Variants in DGKH observed in about 807,000 individuals in gnomAD.
DGKH encodes DAG kinase eta.
A neutral mutation model predicts 159.3 loss-of-function variants in DGKH; 90 were observed. That is an observed-to-expected ratio of 0.57 (90% CI 0.48 to 0.67). The LOEUF is 0.67. Among genes scored for constraint, DGKH ranks in the 30% least tolerant of loss-of-function variants. The pLI, the probability that DGKH is intolerant of heterozygous loss-of-function variation, is 0.00. For missense variants in DGKH, 1,181 were observed against 1,506.1 expected, an observed-to-expected ratio of 0.78 and a Z score of 3.57; for synonymous variants, 536 against 553.8, an observed-to-expected ratio of 0.97 and a Z score of 0.45.
At chr13:42,181,327 A>G (rs1956757054) in intron 13 of DGKH, 1 of 152,826 alleles carries the variant, frequency 6.5e-6, no homozygotes, top group African/African-American at 2.4e-5. Flanking sequence ...TGCAATTCTG[A>G]AGCAAGGAAG....
At chr13:42,082,681 G>A (rs1396536134) in intron 1 of DGKH, among the ~76,000 whole-genome samples, 3 of 152,162 alleles carry the variant, frequency 2.0e-5, no homozygotes, top group Non-Finnish European at 2.9e-5. Context: ...TTTTCACCAG[G>A]TTCTAGAATG....
At chr13:42,173,425 C>G (rs1397273269) in intron 11 of DGKH, among the ~76,000 whole-genome samples, 1 of 152,194 alleles carries the variant, frequency 6.6e-6, no homozygotes, top group Non-Finnish European at 1.5e-5. Context: ...GAAATTAATA[C>G]TTGTAGCTAA....
At chr13:42,245,979 T>C (rs1958577574), downstream of DGKH, among the ~76,000 whole-genome samples, 1 of 152,188 alleles carries the variant, frequency 6.6e-6, no homozygotes, top group Non-Finnish European at 1.5e-5. Flanking sequence ...CCTAATTCTT[T>C]AAAAAGTAGC....
chr13:42,158,340 A>C (rs560779038), intron 5 of DGKH, among the ~76,000 whole-genome samples: 2 of 152,358 alleles, frequency 1.3e-5, no homozygotes, highest in Non-Finnish European at 2.9e-5. Flanking sequence ...GTTTCCACTG[A>C]AATGCTCTCT....
chr13:42,047,171 C>G (rs544391113), upstream of DGKH, among the ~76,000 whole-genome samples: 1 of 152,290 alleles, frequency 6.6e-6, no homozygotes, highest in South Asian at 2.1e-4. Context: ...GCAGCAGTCT[C>G]CTGTCTTTAA....
chr13:42,053,588 CTATATAT>C (rs1566076829), intron 1 of DGKH, among the ~76,000 whole-genome samples: 1 of 74,176 alleles, frequency 1.3e-5, no homozygotes, highest in Non-Finnish European at 2.6e-5. Flanking sequence ...ATATATATAA[CTATATAT>C]ATGTATATAT....
At chr13:42,070,745 T>C in intron 1 of DGKH, 6 of 1,601,510 alleles carry the variant, frequency 3.7e-6, no homozygotes, top group African/African-American at 2.7e-5. Flanking sequence ...TCCAGCACTT[T>C]AGACAAGTCT....
intron 1 of DGKH, among the ~76,000 whole-genome samples, chr13:42,085,402 A>G (rs547215980): frequency 6.6e-6 from 1 of 152,210 alleles, no homozygotes; most frequent in African/African-American, 2.4e-5. Flanking sequence ...CATGGAATAC[A>G]CTCTGAGATA....
intron 1 of DGKH, among the ~76,000 whole-genome samples, chr13:42,088,093 C>T (rs1260324072): frequency 6.6e-6 from 1 of 152,048 alleles, no homozygotes; most frequent in Non-Finnish European, 1.5e-5. Flanking sequence ...GAAACTATGA[C>T]AGATAGAAGA....
intron 21 of DGKH, among the ~76,000 whole-genome samples, chr13:42,207,111 TTC>T (rs60048288): frequency 0.03 from 3,202 of 108,060 alleles, 231 homozygotes; most frequent in Middle Eastern, 0.057. Context: ...CTTTCTTTCT[TTC>T]TCTTTCTCTC....
At chr13:42,084,941 C>T (rs1397588019) in intron 1 of DGKH, among the ~76,000 whole-genome samples, 26 of 151,548 alleles carry the variant, frequency 1.7e-4, no homozygotes, top group African/African-American at 1.2e-4. Context: ...AAAAATTAAT[C>T]CTATAAATAG....
intron 17 of DGKH, among the ~76,000 whole-genome samples, chr13:42,195,483 CAG>C (rs1052274878): frequency 7.7e-4 from 117 of 152,274 alleles, no homozygotes; most frequent in African/African-American, 2.5e-3. Flanking sequence ...GCCTGGGAGA[CAG>C]AGTGAGACTC....
chr13:42,048,602 T>C (rs546686345), upstream of DGKH, among the ~76,000 whole-genome samples: 11 of 152,194 alleles, frequency 7.2e-5, no homozygotes, highest in Admixed American at 2.0e-4. This position sits in a 1 kb window ranked among gnomAD's most constrained non-coding sequence, Gnocchi z 6.7. Flanking sequence ...GACCCCTGCC[T>C]GGAGGGCGCC....
chr13:42,118,769 A>G (rs752346457), intron 1 of DGKH, among the ~76,000 whole-genome samples: 3 of 152,188 alleles, frequency 2.0e-5, no homozygotes, highest in Non-Finnish European at 4.4e-5. Context: ...GGGGCCTTCT[A>G]TGGTACATGT....
At chr13:42,186,660 C>A (rs1566170534) in intron 13 of DGKH, among the ~76,000 whole-genome samples, 1 of 152,208 alleles carries the variant, frequency 6.6e-6, no homozygotes, top group East Asian at 1.9e-4. Flanking sequence ...TTGACAGTGA[C>A]AAGTGACAAT....
chr13:42,112,465 C>G (rs12856887), intron 1 of DGKH, among the ~76,000 whole-genome samples: 20,618 of 152,086 alleles, frequency 0.14, 1,585 homozygotes, highest in South Asian at 0.18. Flanking sequence ...CTTTGGAACT[C>G]TGTTTCACAG....
rs1240687843 is a variant in DGKH, at chr13:42,193,805, G to GTA, written c.2036-1079_2036-1078dup. Among the ~76,000 whole-genome samples the GTA allele has an allele frequency of 2.0e-5, 3 of 152,264 alleles. No homozygotes were observed. In the East Asian group the frequency reaches 5.8e-4, roughly 29 times the overall value. On this transcript the variant is annotated intron_variant, in intron 16 of 29. Coordinates refer to ENST00000337343, the MANE Select transcript of DGKH (RefSeq NM_178009.5). Reference sequence around the variant, plus strand: ...AGTGTAAAATTAATATAGTTAGCTTGTAATTAGTTTTAGGGAGAGTGAAGA... The same window carrying GTA: ...AGTGTAAAATTAATATAGTTAGCTTGTATAATTAGTTTTAGGGAGAGTGAAGA...
chr13:42,194,956 C>T lies in DGKH; in HGVS notation c.2107C>T (p.Pro703Ser). ...GHSQTDSVPG[P>S]AVAASKENLP... ...TTCCCAAACTGATTCTGTCCCTGGT[C>T]CAGCTGTGGCAGCCAGCAAAGAAAA... Residue 703 changes from proline (P) to serine (S), a missense_variant, in exon 17 of 30, where the codon CCA (proline) becomes TCA (serine). Coordinates refer to ENST00000337343, the MANE Select transcript of DGKH (RefSeq NM_178009.5). 1 of 1,614,006 alleles carries T rather than the reference C, an allele frequency of 6.2e-7. No homozygotes were observed. Among genetic ancestry groups the T allele is most frequent in the Non-Finnish European group, 8.5e-7 (1 of 1,179,934 alleles).
intron 1 of DGKH, among the ~76,000 whole-genome samples, chr13:42,113,167 T>C (rs9645983): frequency 6.6e-6 from 1 of 152,112 alleles, no homozygotes; most frequent in South Asian, 2.1e-4. Flanking sequence ...TGACACCAGA[T>C]TTTTAAAATG....
Sources: gnomAD v4.1 joint callset for allele counts (sites outside exome capture counted in the v4.1 genomes callset) on GRCh38, gnomAD v4.1.1 for gene constraint, Gnocchi (gnomAD v3.1) non-coding constraint, MANE v1.5 for transcripts, NCBI Gene and HGNC (gene_info 2026-07-23, HGNC 2026-07-21) for gene names.